The following ZNF804B variants were observed in gnomAD, a reference collection of about 807,000 sequenced individuals.
ZNF804B encodes the protein zinc finger 804B.
In ZNF804B, 80 loss-of-function variants were observed where a neutral mutation model predicts 101.4. That is an observed-to-expected ratio of 0.79 (90% CI 0.66 to 0.95). The LOEUF (loss-of-function observed/expected upper bound fraction) is 0.95. ZNF804B is among the 40% of genes least tolerant of loss of function. ZNF804B has a pLI of 0.00. For missense variants in ZNF804B, 1,673 were observed against 1,561.9 expected, an observed-to-expected ratio of 1.07 and a Z score of -1.20; for synonymous variants, 622 against 558.8, an observed-to-expected ratio of 1.11 and a Z score of -1.59.
At chr7:89,273,293 C>A (rs540913901) in intron 2 of ZNF804B, among the ~76,000 whole-genome samples, 2 of 151,986 alleles carry the variant, frequency 1.3e-5, no homozygotes, top group Admixed American at 1.3e-4. Flanking sequence ...GAAAACCATG[C>A]CAAGCTAAAT....
At chr7:88,795,010 G>A (rs1790456936) in intron 1 of ZNF804B, 8 of 1,373,540 alleles carry the variant, frequency 5.8e-6, no homozygotes, top group Non-Finnish European at 7.8e-6. Context: ...TGCTGCCAGG[G>A]TACCTCTTTA....
At chr7:89,261,309 A>G (rs1789709589) in intron 2 of ZNF804B, among the ~76,000 whole-genome samples, 2 of 152,176 alleles carry the variant, frequency 1.3e-5, no homozygotes, top group African/African-American at 4.8e-5. Context: ...ATGATAAAGC[A>G]GACTAGTATA....
At chr7:88,776,790 C>CT (rs1790149111) in intron 1 of ZNF804B, among the ~76,000 whole-genome samples, 1 of 107,632 alleles carries the variant, frequency 9.3e-6, no homozygotes, top group South Asian at 3.9e-4. Flanking sequence ...ACCCCCCCCC[C>CT]CACCCTGTTC....
At chr7:89,221,158 T>A (rs558767713) in intron 2 of ZNF804B, among the ~76,000 whole-genome samples, 162 of 152,124 alleles carry the variant, frequency 1.1e-3, no homozygotes, top group African/African-American at 3.6e-3. Context: ...ACTAATGATT[T>A]CGTAGACATC....
chr7:89,183,136 T>C (rs1788323013), intron 1 of ZNF804B, among the ~76,000 whole-genome samples: 1 of 151,958 alleles, frequency 6.6e-6, no homozygotes, highest in Non-Finnish European at 1.5e-5. Flanking sequence ...CATGTGGCAA[T>C]AGGAGGATAG....
At chr7:88,936,725 T>C (rs1187330784) in intron 1 of ZNF804B, among the ~76,000 whole-genome samples, 1 of 152,040 alleles carries the variant, frequency 6.6e-6, no homozygotes, top group Admixed American at 6.6e-5. Flanking sequence ...ATTGCGTTCC[T>C]TCAGGAAGAG....
chr7:88,802,492 A>G (rs559810736), intron 1 of ZNF804B, among the ~76,000 whole-genome samples: 2 of 152,080 alleles, frequency 1.3e-5, no homozygotes, highest in African/African-American at 4.8e-5. Flanking sequence ...GTTTCCCCCT[A>G]TCTCAGGGAA....
At chr7:89,099,548 C>T (rs1229147231) in intron 1 of ZNF804B, among the ~76,000 whole-genome samples, 1 of 152,072 alleles carries the variant, frequency 6.6e-6, no homozygotes, top group African/African-American at 2.4e-5. Flanking sequence ...GTTCGCAGTT[C>T]AGGTAGACGG....
At chr7:88,845,114 G>A (rs1398652656) in intron 1 of ZNF804B, among the ~76,000 whole-genome samples, 1 of 152,168 alleles carries the variant, frequency 6.6e-6, no homozygotes, top group Non-Finnish European at 1.5e-5. Flanking sequence ...AATAAGGCAA[G>A]GGGTGGTTCA....
At chr7:89,299,427 A>T (rs1790444172) in intron 2 of ZNF804B, among the ~76,000 whole-genome samples, 1 of 152,050 alleles carries the variant, frequency 6.6e-6, no homozygotes, top group Non-Finnish European at 1.5e-5. Flanking sequence ...TTGAAATTCT[A>T]TTGATGTTTA....
intron 1 of ZNF804B, among the ~76,000 whole-genome samples, chr7:88,870,681 TGAGAAAAGATGCCAAAAG>T (rs1791809128): frequency 6.6e-6 from 1 of 152,088 alleles, no homozygotes; most frequent in Non-Finnish European, 1.5e-5. Flanking sequence ...CAGAAAAAGG[TGAGAAAAGATGCCAAAAG>T]GAGTCAATCC....
chr7:89,061,655 C>G (rs974870933), intron 1 of ZNF804B, among the ~76,000 whole-genome samples: 5 of 151,964 alleles, frequency 3.3e-5, no homozygotes, highest in Non-Finnish European at 7.4e-5. Flanking sequence ...AGTTACTCAC[C>G]TCTTTGTGCT....
At chr7:89,161,891 A>G (rs1791069215) in intron 1 of ZNF804B, among the ~76,000 whole-genome samples, 1 of 152,144 alleles carries the variant, frequency 6.6e-6, no homozygotes, top group African/African-American at 2.4e-5. Context: ...TAGTTTCTGT[A>G]GCAATATGAG....
intron 1 of ZNF804B, among the ~76,000 whole-genome samples, chr7:88,771,944 A>T (rs1189396503): frequency 6.6e-6 from 1 of 152,194 alleles, no homozygotes; most frequent in African/African-American, 2.4e-5. Context: ...AATGAAATTT[A>T]TGTGAAAATA....
Position 89,213,496 on chromosome 7 carries a change from A to C in ZNF804B, c.109-4659A>C, listed in dbSNP as rs145588498. On this transcript the variant is annotated intron_variant, in intron 1 of 3. Transcript: ENST00000333190. ...TCCCTTTCTTTTCCATAATCAGAGC[A>C]CATATTCACAACCAATGCAACAAGA... is the stretch of plus-strand genomic sequence containing the variant. 3.9e-4 allele frequency among the ~76,000 whole-genome samples: 59 copies of C among 152,350 alleles called. No homozygotes were observed. The South Asian group carries it at 0.011, about 29-fold the overall frequency.
At chr7:88,817,180 A>G (rs535498973) in intron 1 of ZNF804B, among the ~76,000 whole-genome samples, 12 of 152,290 alleles carry the variant, frequency 7.9e-5, no homozygotes, top group African/African-American at 2.4e-4. Flanking sequence ...GAACTGAACA[A>G]TGAGAACACA....
intron 2 of ZNF804B, among the ~76,000 whole-genome samples, chr7:89,312,440 A>G (rs1417812057): frequency 2.0e-5 from 3 of 152,186 alleles, no homozygotes; most frequent in African/African-American, 2.4e-5. Context: ...ATTTAACTCA[A>G]CACTTCCAAG....
chr7:89,142,858 C>T (rs1214666416), intron 1 of ZNF804B, among the ~76,000 whole-genome samples: 2 of 151,944 alleles, frequency 1.3e-5, no homozygotes, highest in Non-Finnish European at 2.9e-5. Flanking sequence ...GAGCATTGGA[C>T]CAGCAATCTC....
intron 1 of ZNF804B, among the ~76,000 whole-genome samples, chr7:88,918,900 G>A (rs1333194865): frequency 1.3e-5 from 2 of 152,008 alleles, no homozygotes; most frequent in African/African-American, 2.4e-5. Context: ...AGAGTGAGGA[G>A]CAATTGAAAC....
Sources: allele counts gnomAD v4.1 joint callset (sites outside exome capture counted in the v4.1 genomes callset), GRCh38; gene constraint gnomAD v4.1.1; transcripts MANE v1.5; gene names NCBI Gene and HGNC (gene_info 2026-07-23, HGNC 2026-07-21).